The following TUBA4A variants were observed in gnomAD, a reference collection of about 807,000 sequenced individuals.
TUBA4A encodes the protein tubulin alpha 4a.
A neutral mutation model predicts 34.3 loss-of-function variants in TUBA4A; 23 were observed. The ratio of observed to expected loss-of-function variants is 0.67; its 90% CI spans 0.48 to 0.95. TUBA4A has a LOEUF of 0.95. TUBA4A is among the 40% of genes least tolerant of loss of function. The pLI is 0.00. For synonymous variants in TUBA4A, 216 were observed against 230.5 expected (o/e 0.94, Z 0.57); for missense variants, 279 against 599.0 (o/e 0.47, Z 5.58).
rs933714385 is a variant in TUBA4A, at chr2:219,253,918, C to A, written c.-60G>T. ...GGGTGACAGGTCTCAGTGAGAACTGCGCTAGCTGCAGTGCCGCACCGCCCT... is the reference window on the plus strand; with the variant it reads ...GGGTGACAGGTCTCAGTGAGAACTGAGCTAGCTGCAGTGCCGCACCGCCCT... On this transcript the variant is annotated 5_prime_UTR_variant, in exon 1 of 4. Transcript: ENST00000248437. 6 of 1,338,236 alleles carry A rather than the reference C, an allele frequency of 4.5e-6. No individual in the cohort carries two copies. Among genetic ancestry groups the A allele is most frequent in the Admixed American group, 3.6e-5 (1 of 27,414 alleles). 82.9% of individuals were successfully genotyped at this position (1,338,236 alleles called of 1,614,324 possible).
In TUBA4A at chr2:219,251,084, G is replaced by A; in HGVS notation, c.615C>T (p.Asp205=). ...GGCAGATGTCATAGATTGCTTCGTTGTCCACCATGAAGGCACAGTCTGAGT... is the reference window on the plus strand; with the variant it reads ...GGCAGATGTCATAGATTGCTTCGTTATCCACCATGAAGGCACAGTCTGAGT... ...LEHSDCAFMV[D]NEAIYDICRR... The change falls in exon 4 of 4, where the codon GAC becomes GAT. Residue 205 remains aspartate (D), a synonymous_variant. Coordinates refer to ENST00000248437, the MANE Select transcript of TUBA4A (RefSeq NM_006000.3). The surrounding 1 kb of genome is among the most constrained non-coding windows in gnomAD (Gnocchi z 6.1). The A allele has an allele frequency of 6.2e-7, 1 of 1,614,222 alleles. No homozygotes were observed. Among genetic ancestry groups the A allele is most frequent in the Admixed American group, 1.7e-5 (1 of 60,026 alleles).
intron 1 of TUBA4A, chr2:219,253,461 C>G: frequency 7.0e-7 from 1 of 1,421,608 alleles, no homozygotes; most frequent in South Asian, 1.2e-5. Flanking sequence ...AGCACGTGCT[C>G]GGTCAGTGCT....
Position 219,252,953 on chromosome 2 carries a change from G to A in TUBA4A, c.4-723C>T, listed in dbSNP as rs1951672306. The A allele has an allele frequency of 4.0e-6, 2 of 495,398 alleles. No individual in the cohort carries two copies. Among genetic ancestry groups the A allele is most frequent in the East Asian group, 6.6e-5 (1 of 15,174 alleles). The allele number at this position is 495,398 out of a possible 1,614,324, so 30.7% of individuals were successfully genotyped here. A position where few individuals can be genotyped will look rare whatever the true frequency, so the allele number is the denominator to read the frequency against. On this transcript the variant is annotated intron_variant, in intron 1 of 3. Transcript: ENST00000248437. The surrounding 1 kb of genome is among the most constrained non-coding windows in gnomAD (Gnocchi z 4.1). ...CACTAAAGTCCGGCAGGGCCCGCGC[G>A]CTCTTCCCACACCGAAATGGCGGGG...
chr2:219,252,723 T>C lies in TUBA4A; in HGVS notation c.4-493A>G, dbSNP rs993719231. The C allele has an allele frequency of 3.1e-5, 14 of 458,906 alleles. No homozygotes were observed. Among genetic ancestry groups the C allele is most frequent in the South Asian group, 2.2e-4 (14 of 63,494 alleles). 28.4% of individuals were successfully genotyped at this position (458,906 alleles called of 1,614,324 possible). The stretch of plus-strand genomic sequence containing the variant: ...TTTAAATCCCATCTGGCTCTGGGGA[T>C]CAATCCCATCTGGCTCCTCTCCCCA... On this transcript the variant is annotated intron_variant, in intron 1 of 3. Coordinates refer to ENST00000248437, the MANE Select transcript of TUBA4A (RefSeq NM_006000.3). This position sits in a 1 kb window ranked among gnomAD's most constrained non-coding sequence, Gnocchi z 4.1.
Position 219,252,054 on chromosome 2 carries a change from T to C in TUBA4A, c.180A>G (p.Lys60=). The change falls in exon 2 of 4, where the codon AAA becomes AAG. Residue 60 remains lysine (K), a synonymous_variant. Transcript: ENST00000248437. The surrounding 1 kb of genome is among the most constrained non-coding windows in gnomAD (Gnocchi z 4.1). The part of the protein sequence containing the change: ...TTFFCETGAG[K]HVPRAVFVDL... The stretch of plus-strand genomic sequence containing the variant: ...CCACAAAAACTGCCCGGGGTACGTG[T>C]TTTCCAGCACCAGTTTCACAGAAGA... 6.2e-7 allele frequency: 1 copy of C among 1,614,066 alleles called. No homozygotes were observed. The highest frequency in any genetic ancestry group is 8.5e-7 in the Non-Finnish European group (1 of 1,180,002).
In TUBA4A at chr2:219,252,849, C is replaced by A; in HGVS notation, c.4-619G>T. ...TGCTTGTAAGCTCAGACAGCAGGGG[C>A]CAGCAATAAGGTTTGAGGGTACTGG... is the stretch of plus-strand genomic sequence containing the variant. On this transcript the variant is annotated intron_variant, in intron 1 of 3. Coordinates refer to ENST00000248437, the MANE Select transcript of TUBA4A (RefSeq NM_006000.3). The surrounding 1 kb of genome is among the most constrained non-coding windows in gnomAD (Gnocchi z 4.1). 4.2e-6 allele frequency: 2 copies of A among 472,302 alleles called. No homozygotes were observed. The highest frequency in any genetic ancestry group is 3.1e-5 in the South Asian group (2 of 64,538). The allele number at this position is 472,302 out of a possible 1,614,324, so 29.3% of individuals were successfully genotyped here.
Position 219,252,727 on chromosome 2 carries a change from T to C in TUBA4A, c.4-497A>G, listed in dbSNP as rs1951668762. ...AATCCCATCTGGCTCTGGGGATCAA[T>C]CCCATCTGGCTCCTCTCCCCACCTC... On this transcript the variant is annotated intron_variant, in intron 1 of 3. Transcript: ENST00000248437. This position sits in a 1 kb window ranked among gnomAD's most constrained non-coding sequence, Gnocchi z 4.1. The C allele has an allele frequency of 4.3e-6, 2 of 461,158 alleles. No individual in the cohort carries two copies. The highest frequency in any genetic ancestry group is 9.1e-6 in the Non-Finnish European group (2 of 220,056). The allele number at this position is 461,158 out of a possible 1,614,324, so 28.6% of individuals were successfully genotyped here.
chr2:219,252,355 G>C lies in TUBA4A; in HGVS notation c.4-125C>G. On this transcript the variant is annotated intron_variant, in intron 1 of 3. Coordinates refer to ENST00000248437, the MANE Select transcript of TUBA4A (RefSeq NM_006000.3). The surrounding 1 kb of genome is among the most constrained non-coding windows in gnomAD (Gnocchi z 4.1). ...TCAGTTGGCAAGAGTGGAGGGTTGG[G>C]GCTGGGCAGAGGTGAGAAGAGAGTA... 1.0e-6 allele frequency: 1 copy of C among 969,482 alleles called. No individual in the cohort carries two copies. The highest frequency in any genetic ancestry group is 1.5e-6 in the Non-Finnish European group (1 of 649,430). The allele number at this position is 969,482 out of a possible 1,614,324, so 60.1% of individuals were successfully genotyped here.
Position 219,250,949 on chromosome 2 carries a change from C to T in TUBA4A, c.750G>A (p.Val250=), listed in dbSNP as rs931710530. Residue 250 remains valine, a synonymous_variant, in exon 4 of 4, where the codon GTG becomes GTA. Coordinates refer to ENST00000248437, the MANE Select transcript of TUBA4A (RefSeq NM_006000.3). This position sits in a 1 kb window ranked among gnomAD's most constrained non-coding sequence, Gnocchi z 8.4. ...GGTTGGTCTGGAACTCTGTCAGGTC[C>T]ACATTGAGGGCCCCGTCAAAGCGCA... The part of the protein sequence containing the change: ...ASLRFDGALN[V]DLTEFQTNLV... 1.9e-6 allele frequency: 3 copies of T among 1,614,000 alleles called. No homozygotes were observed. The highest frequency in any genetic ancestry group is 2.5e-6 in the Non-Finnish European group (3 of 1,180,044).
chr2:219,253,956 G>GC, upstream of TUBA4A: 1 of 1,182,572 alleles, frequency 8.5e-7, no homozygotes, highest in Non-Finnish European at 1.1e-6. Flanking sequence ...TAGGCGGGGG[G>GC]GGGGCGGGGC....
In TUBA4A at chr2:219,252,305, C is replaced by T. The variant is rs1559276969; in HGVS notation, c.4-75G>A. On this transcript the variant is annotated intron_variant, in intron 1 of 3. Coordinates refer to ENST00000248437, the MANE Select transcript of TUBA4A (RefSeq NM_006000.3). This position sits in a 1 kb window ranked among gnomAD's most constrained non-coding sequence, Gnocchi z 4.1. ...CTCACCTTGCGAGTCTCTCTTCCAC[C>T]CTATCATCTACCAGCTAGGATGACT... 8 of 1,359,668 alleles carry T rather than the reference C, an allele frequency of 5.9e-6. No homozygotes were observed. The South Asian group carries it at 6.2e-5, about 11-fold the overall frequency. The allele number at this position is 1,359,668 out of a possible 1,614,324, so 84.2% of individuals were successfully genotyped here.
chr2:219,251,049 A>G lies in TUBA4A; in HGVS notation c.650T>C (p.Leu217Pro). The G allele has an allele frequency of 6.2e-7, 1 of 1,614,210 alleles. No homozygotes were observed. Among genetic ancestry groups the G allele is most frequent in the Non-Finnish European group, 8.5e-7 (1 of 1,180,046 alleles). Reference protein sequence around the residue: ...EAIYDICRRNLDIERPTYTNL... With the variant: ...EAIYDICRRNPDIERPTYTNL... The stretch of plus-strand genomic sequence containing the variant: ...GGTGTAGGTTGGGCGCTCGATGTCT[A>G]GGTTGCGGCGGCAGATGTCATAGAT... Residue 217 changes from leucine (L) to proline (P), a missense_variant, in exon 4 of 4, where the codon CTA becomes CCA. Leu to Pro is a moderately conservative substitution (Grantham distance 98, BLOSUM62 -3). This residue lies in a region of TUBA4A where 108 missense variants were observed against 299.9 expected (regional missense o/e 0.36). Coordinates refer to ENST00000248437, the MANE Select transcript of TUBA4A (RefSeq NM_006000.3). The surrounding 1 kb of genome is among the most constrained non-coding windows in gnomAD (Gnocchi z 6.1).
At position 219,253,846 on chromosome 2, in the gene TUBA4A, C is replaced by T. The variant is rs376126227; in HGVS notation, c.3+10G>A. ...GGGGACAGGCGCGACCCCGGCCGGG[C>T]CGCACTCACCATGGTGAGTCCGGGC... On this transcript the variant is annotated intron_variant, in intron 1 of 3. Coordinates refer to ENST00000248437, the MANE Select transcript of TUBA4A (RefSeq NM_006000.3). 5 of 1,505,446 alleles carry T rather than the reference C, an allele frequency of 3.3e-6. No individual in the cohort carries two copies. In the African/African-American group the frequency reaches 5.6e-5, roughly 17 times the overall value. The allele number at this position is 1,505,446 out of a possible 1,614,324, so 93.3% of individuals were successfully genotyped here.
chr2:219,252,806 C>A lies in TUBA4A; in HGVS notation c.4-576G>T, dbSNP rs917847127. 1 of 471,868 alleles carries A rather than the reference C, an allele frequency of 2.1e-6. No homozygotes were observed. Among genetic ancestry groups the A allele is most frequent in the Admixed American group, 2.3e-5 (1 of 42,576 alleles). 29.2% of individuals were successfully genotyped at this position (471,868 alleles called of 1,614,324 possible). ...CTTTCATCTCCCGTGTCAGCCCGCA[C>A]GGAAATAGCGGCGGTAATGCTTGTA... On this transcript the variant is annotated intron_variant, in intron 1 of 3. Coordinates refer to ENST00000248437, the MANE Select transcript of TUBA4A (RefSeq NM_006000.3). The surrounding 1 kb of genome is among the most constrained non-coding windows in gnomAD (Gnocchi z 4.1).
In TUBA4A at chr2:219,251,801, AT is replaced by A; in HGVS notation, c.227-89del. The A allele has an allele frequency of 6.6e-7, 1 of 1,509,712 alleles. No homozygotes were observed. Among genetic ancestry groups the A allele is most frequent in the Non-Finnish European group, 8.9e-7 (1 of 1,118,284 alleles). The allele number at this position is 1,509,712 out of a possible 1,614,324, so 93.5% of individuals were successfully genotyped here. A position where few individuals can be genotyped will look rare whatever the true frequency, so the allele number is the denominator to read the frequency against. On this transcript the variant is annotated intron_variant, in intron 2 of 3. Coordinates refer to ENST00000248437, the MANE Select transcript of TUBA4A (RefSeq NM_006000.3). The surrounding 1 kb of genome is among the most constrained non-coding windows in gnomAD (Gnocchi z 6.1). ...TGTGGCCAGATGCATGGAAGGACTC[AT>A]CCTCCTGCCAGCCTGAGATACCAGA...
rs1311833245 is a variant in TUBA4A, at chr2:219,250,363, C to T, written c.1336G>A (p.Gly446Arg). The T allele has an allele frequency of 1.2e-6, 2 of 1,610,972 alleles. No individual in the cohort carries two copies. Among genetic ancestry groups the T allele is most frequent in the Non-Finnish European group, 1.7e-6 (2 of 1,177,584 alleles). ...GIDSYEDEDE[G>R]EE ...TCCAGGCAGCTGCTTTATTCTTCTC[C>T]CTCATCCTCGTCCTCATAGGAGTCG... is the stretch of plus-strand genomic sequence containing the variant. Residue 446 changes from glycine to arginine, a missense_variant, in exon 4 of 4, where the codon GGA (glycine) becomes AGA (arginine). Gly to Arg is a moderately radical substitution (Grantham distance 125). This residue lies in a region of TUBA4A where 73 missense variants were observed against 128.0 expected (regional missense o/e 0.57). Coordinates refer to ENST00000248437, the MANE Select transcript of TUBA4A (RefSeq NM_006000.3). This position sits in a 1 kb window ranked among gnomAD's most constrained non-coding sequence, Gnocchi z 8.4.
chr2:219,250,900 A>G lies in TUBA4A; in HGVS notation c.799T>C (p.Phe267Leu). The G allele has an allele frequency of 6.2e-7, 1 of 1,614,100 alleles. No homozygotes were observed. Among genetic ancestry groups the G allele is most frequent in the South Asian group, 1.1e-5 (1 of 91,078 alleles). ...ACTGGTGCATAGGTGGCCAGGGGGA[A>G]GTGGATGCGAGGGTAGGGCACCAGG... is the stretch of plus-strand genomic sequence containing the variant. ...TNLVPYPRIHFPLATYAPVIS... is the reference protein window; with the variant it reads ...TNLVPYPRIHLPLATYAPVIS... Residue 267 changes from phenylalanine (F) to leucine (L), a missense_variant, in exon 4 of 4, where the codon TTC (phenylalanine) becomes CTC (leucine). Coordinates refer to ENST00000248437, the MANE Select transcript of TUBA4A (RefSeq NM_006000.3). This position sits in a 1 kb window ranked among gnomAD's most constrained non-coding sequence, Gnocchi z 8.4.
chr2:219,251,807 C>T lies in TUBA4A; in HGVS notation c.227-94G>A. The T allele has an allele frequency of 6.7e-7, 1 of 1,493,816 alleles. No homozygotes were observed. The highest frequency in any genetic ancestry group is 9.0e-7 in the Non-Finnish European group (1 of 1,108,032). 92.5% of individuals were successfully genotyped at this position (1,493,816 alleles called of 1,614,324 possible). A position where few individuals can be genotyped will look rare whatever the true frequency, so the allele number is the denominator to read the frequency against. Reference sequence around the variant, plus strand: ...CAGATGCATGGAAGGACTCATCCTCCTGCCAGCCTGAGATACCAGAGTGTG... The same window carrying T: ...CAGATGCATGGAAGGACTCATCCTCTTGCCAGCCTGAGATACCAGAGTGTG... On this transcript the variant is annotated intron_variant, in intron 2 of 3. Coordinates refer to ENST00000248437, the MANE Select transcript of TUBA4A (RefSeq NM_006000.3). The surrounding 1 kb of genome is among the most constrained non-coding windows in gnomAD (Gnocchi z 6.1).
Position 219,253,214 on chromosome 2 carries a change from C to A in TUBA4A, c.3+642G>T, listed in dbSNP as rs1007725202. ...CTCTCTCCCCTCCCCCCAACCTGGC[C>A]TCGGCCCGCGCAGTGCTCAGCGCCA... On this transcript the variant is annotated intron_variant, in intron 1 of 3. Coordinates refer to ENST00000248437, the MANE Select transcript of TUBA4A (RefSeq NM_006000.3). The A allele has an allele frequency of 3.4e-6, 5 of 1,492,106 alleles. No individual in the cohort carries two copies. In the African/African-American group the frequency reaches 7.2e-5, roughly 21 times the overall value. The allele number at this position is 1,492,106 out of a possible 1,614,324, so 92.4% of individuals were successfully genotyped here. A position where few individuals can be genotyped will look rare whatever the true frequency, so the allele number is the denominator to read the frequency against.
Sources: allele counts gnomAD v4.1 joint callset, GRCh38; gene constraint gnomAD v4.1.1; regional missense constraint gnomAD v4.1.1; non-coding constraint Gnocchi (gnomAD v3.1); transcripts MANE v1.5; gene names NCBI Gene and HGNC (gene_info 2026-07-23, HGNC 2026-07-21).